The following TNPO3 variants were observed in gnomAD, a reference collection of about 807,000 sequenced individuals.
The protein encoded by TNPO3 is transportin 3.
Under a neutral mutation model 122.8 loss-of-function variants are expected in TNPO3, and 65 were observed. The observed-to-expected ratio is 0.53, with a 90% confidence interval of 0.43 to 0.65. TNPO3 has a LOEUF of 0.65. TNPO3 is among the 30% of genes least tolerant of loss of function. The pLI, the probability that TNPO3 is intolerant of heterozygous loss-of-function variation, is 0.00. For missense variants in TNPO3, 850 were observed against 1,136.7 expected (o/e 0.75, Z 3.63); for synonymous variants, 372 against 411.2 (o/e 0.90, Z 1.15).
chr7:129,051,611 C>T (rs1427895705), intron 1 of TNPO3, among the ~76,000 whole-genome samples: 1 of 152,076 alleles, frequency 6.6e-6, no homozygotes, highest in African/African-American at 2.4e-5. Flanking sequence ...GCTGGGATTA[C>T]AGGCAAGAGC....
intron 14 of TNPO3, among the ~76,000 whole-genome samples, chr7:128,981,790 G>C (rs1013953403): frequency 1.4e-5 from 2 of 148,062 alleles, no homozygotes; most frequent in Admixed American, 1.4e-4. Context: ...GTGCAGTGAT[G>C]TGATCTTAGC....
intron 4 of TNPO3, among the ~76,000 whole-genome samples, chr7:129,008,203 A>G (rs1161587101): frequency 6.6e-6 from 1 of 151,720 alleles, no homozygotes; most frequent in Non-Finnish European, 1.5e-5. Flanking sequence ...CCCTTGCTTT[A>G]GAGGGGAAAG....
intron 5 of TNPO3, among the ~76,000 whole-genome samples, 175 bp downstream of exon 5, chr7:129,004,841 T>C (rs1439240467): frequency 6.6e-6 from 1 of 152,166 alleles, no homozygotes; most frequent in East Asian, 1.9e-4. Context: ...CTATTAGGAG[T>C]ATTAAAACTG....
chr7:129,026,785 G>T (rs953094379), intron 1 of TNPO3, among the ~76,000 whole-genome samples: 2 of 152,126 alleles, frequency 1.3e-5, no homozygotes, highest in Middle Eastern at 3.4e-3. Context: ...TTTTAAAAAA[G>T]TGATACAGAT....
intron 18 of TNPO3, 151 bp from the exon 19 acceptor site, chr7:128,972,733 A>C: frequency 3.0e-6 from 2 of 657,462 alleles, no homozygotes; most frequent in Admixed American, 3.0e-5. Context: ...AACATAGAGG[A>C]TTTTTTTTGG....
intron 11 of TNPO3, among the ~76,000 whole-genome samples, chr7:128,989,256 G>A (rs1172014963): frequency 1.3e-5 from 2 of 152,118 alleles, no homozygotes; most frequent in Non-Finnish European, 2.9e-5. Flanking sequence ...GATATACACA[G>A]GAAACACATC....
At chr7:128,967,514 AG>A (rs1032008814) in intron 20 of TNPO3, 122 bp from the exon 21 acceptor site, 6 of 629,244 alleles carry the variant, frequency 9.5e-6, no homozygotes, top group African/African-American at 9.2e-5. Context: ...TACACTTGGG[AG>A]CAAGTAAAGG....
chr7:129,019,521 C>A (rs751623287), intron 1 of TNPO3, among the ~76,000 whole-genome samples: 3 of 152,046 alleles, frequency 2.0e-5, no homozygotes, highest in South Asian at 2.1e-4. Flanking sequence ...AAAATAAAGA[C>A]CCTGAATTTC....
intron 9 of TNPO3, 75 bp from the exon 10 acceptor site, chr7:128,992,165 A>T (rs1800815993): frequency 2.6e-6 from 2 of 778,182 alleles, no homozygotes; most frequent in East Asian, 2.8e-5. Context: ...CAAAAAATCC[A>T]GTTAAAGTAA....
At chr7:129,034,424 T>C (rs7784015) in intron 1 of TNPO3, among the ~76,000 whole-genome samples, 63,706 of 151,858 alleles carry the variant, frequency 0.42, 14,568 homozygotes, top group Non-Finnish European at 0.51. Flanking sequence ...GAGTACTGCT[T>C]GAGCCCAGGA....
chr7:128,961,360 C>T (rs572218476), intron 21 of TNPO3, among the ~76,000 whole-genome samples: 1 of 152,158 alleles, frequency 6.6e-6, no homozygotes, highest in East Asian at 1.9e-4. Flanking sequence ...CAATTGCCTA[C>T]AGTATTCAGT....
At chr7:129,029,858 T>TAAA (rs543309144) in intron 1 of TNPO3, 2 of 146,198 alleles carry the variant, frequency 1.4e-5, no homozygotes, top group South Asian at 4.3e-4. Context: ...CCATCTCTAC[T>TAAA]AAAAAAAAAA....
At chr7:128,966,888 ATCACTT>A (rs1797974583) in intron 21 of TNPO3, among the ~76,000 whole-genome samples, 1 of 152,228 alleles carries the variant, frequency 6.6e-6, no homozygotes, top group Non-Finnish European at 1.5e-5. Context: ...TGTCATCTAC[ATCACTT>A]TCTGATGTTT....
At chr7:128,990,867 A>G (rs753230973) in intron 10 of TNPO3, among the ~76,000 whole-genome samples, 11 of 152,216 alleles carry the variant, frequency 7.2e-5, no homozygotes, top group Non-Finnish European at 1.3e-4. Flanking sequence ...AAATGTAAAT[A>G]ATATCCTGGA....
At chr7:128,971,903 C>G (rs1392059902) in intron 19 of TNPO3, among the ~76,000 whole-genome samples, 1 of 152,172 alleles carries the variant, frequency 6.6e-6, no homozygotes, top group African/African-American at 2.4e-5. Flanking sequence ...ACTCATCTGA[C>G]AATCAAATAC....
intron 10 of TNPO3, among the ~76,000 whole-genome samples, chr7:128,991,212 C>T (rs954870028): frequency 2.0e-5 from 3 of 152,098 alleles, no homozygotes; most frequent in African/African-American, 7.2e-5. Context: ...GAAAAATAAA[C>T]CTATTCGACC....
intron 1 of TNPO3, among the ~76,000 whole-genome samples, chr7:129,027,570 AAAAAAAAAAAAAAAAAAAAAAC>A (rs1805359464): frequency 7.5e-6 from 1 of 132,568 alleles, no homozygotes; most frequent in South Asian, 2.6e-4. Context: ...AAAAAAAAAA[AAAAAAAAAAAAAAAAAAAAAAC>A]AACACAAAAA....
At chr7:129,021,612 C>T (rs1023824429) in intron 1 of TNPO3, among the ~76,000 whole-genome samples, 4 of 152,008 alleles carry the variant, frequency 2.6e-5, no homozygotes, top group African/African-American at 9.7e-5. Flanking sequence ...TTCAGAAAAA[C>T]TAATTTCACA....
rs571631490 is a variant in TNPO3 at position 129,038,894 on chromosome 7, G to T, written c.120+15757C>A. Among the ~76,000 whole-genome samples, 21 of 152,232 alleles carry T rather than the reference G, an allele frequency of 1.4e-4. No homozygotes were observed. The East Asian group carries it at 4.1e-3, about 29-fold the overall frequency. On this transcript the variant is annotated intron_variant, in intron 1 of 22. Coordinates refer to ENST00000265388, the MANE Select transcript of TNPO3 (RefSeq NM_012470.4). ...AATGGGTCCTGGGCTTAACACCTGG[G>T]TAACAAAATAATCTGTACAACAAAC... is the stretch of plus-strand genomic sequence containing the variant.
Sources: allele counts gnomAD v4.1 joint callset (sites outside exome capture counted in the v4.1 genomes callset), GRCh38; gene constraint gnomAD v4.1.1; transcripts MANE v1.5; gene names NCBI Gene and HGNC (gene_info 2026-07-23, HGNC 2026-07-21).